Variants in DCP2 observed in about 807,000 individuals in gnomAD.
DCP2 encodes the protein decapping mRNA 2.
In DCP2, 30 loss-of-function variants were observed where a neutral mutation model predicts 56.1. The observed-to-expected ratio is 0.53, with a 90% CI of 0.40 to 0.73. DCP2 has a LOEUF of 0.73. Ranked by LOEUF, DCP2 falls within the 30% of genes least tolerant of loss-of-function variation. The pLI, the probability that DCP2 is intolerant of heterozygous loss-of-function variation, is 0.00. For missense variants in DCP2, 533 were observed against 502.7 expected (o/e 1.06, Z -0.58); for synonymous variants, 197 against 163.3 (o/e 1.21, Z -1.57).
chr5:112,980,694 T>A (rs913165302), intron 1 of DCP2, among the ~76,000 whole-genome samples: 1 of 152,214 alleles, frequency 6.6e-6, no homozygotes, highest in African/African-American at 2.4e-5. Flanking sequence ...AAATATGTAA[T>A]CATGTACATG....
At position 113,013,402 on chromosome 5, in the gene DCP2, A is replaced by C; in HGVS notation, c.1181A>C (p.His394Pro). Residue 394 changes from histidine (H) to proline (P), a missense_variant, in exon 11 of 11, where the codon CAT becomes CCT. His to Pro is a moderately conservative substitution (Grantham distance 77, BLOSUM62 -2). Around this residue, in one of 3 missense-constraint regions of DCP2, gnomAD observed 392 missense variants for 346.6 expected, o/e 1.13. Coordinates refer to ENST00000389063, the MANE Select transcript of DCP2 (RefSeq NM_152624.6). Reference protein sequence around the residue: ...AEGQPVACNGHCKFPFSSRAF... With the variant: ...AEGQPVACNGPCKFPFSSRAF... ...GGACAGCCCGTGGCATGTAATGGAC[A>C]TTGCAAGTTCCCCTTTTCATCCAGA... is the stretch of plus-strand genomic sequence containing the variant. 6.2e-7 allele frequency: 1 copy of C among 1,614,164 alleles called. No individual in the cohort carries two copies. The highest frequency in any genetic ancestry group is 8.5e-7 in the Non-Finnish European group (1 of 1,180,002).
intron 10 of DCP2, among the ~76,000 whole-genome samples, chr5:113,012,706 C>T (rs528173693): frequency 2.6e-5 from 4 of 152,194 alleles, no homozygotes; most frequent in South Asian, 2.1e-4. Flanking sequence ...TGCAACAGCA[C>T]GATCTCAGCT....
intron 1 of DCP2, among the ~76,000 whole-genome samples, chr5:112,979,724 G>C (rs1031409373): frequency 1.3e-5 from 2 of 152,134 alleles, no homozygotes; most frequent in Non-Finnish European, 2.9e-5. Flanking sequence ...TGATGCTTTA[G>C]TATGTAACAT....
rs112449298 is a variant in DCP2, at chr5:113,000,420, A to ACACACACCCACACC, written c.433-659_433-658insACCCACACCCACAC. On this transcript the variant is annotated intron_variant, in intron 4 of 10. Coordinates refer to ENST00000389063, the MANE Select transcript of DCP2 (RefSeq NM_152624.6). The stretch of plus-strand genomic sequence containing the variant: ...CTAATACACACACACACACACACAC[A>ACACACACCCACACC]CACACCCACACACCCTACCTGAGTT... 6.8e-3 allele frequency among the ~76,000 whole-genome samples: 1,000 copies of ACACACACCCACACC among 146,746 alleles called. 19 individuals carry two copies. Among genetic ancestry groups the ACACACACCCACACC allele is most frequent in the Non-Finnish European group, 0.012 (807 of 66,130 alleles).
In DCP2 at chr5:113,022,187, A is replaced by T. The variant is rs1750183492; in HGVS notation, c.*8703A>T. 2 of 152,542 alleles carry T rather than the reference A, an allele frequency of 1.3e-5. No individual in the cohort carries two copies. Among genetic ancestry groups the T allele is most frequent in the Non-Finnish European group, 2.9e-5 (2 of 68,048 alleles). 9.4% of individuals were successfully genotyped at this position (152,542 alleles called of 1,614,324 possible). A position where few individuals can be genotyped will look rare whatever the true frequency, so the allele number is the denominator to read the frequency against. ...CTCTGTATAAATAAATGGAGTTTTT[A>T]AAAAACAATTCTATATCAAATAACG... On this transcript the variant is annotated 3_prime_UTR_variant, in exon 11 of 11. Coordinates refer to ENST00000389063, the MANE Select transcript of DCP2 (RefSeq NM_152624.6).
At chr5:112,992,572 ATAACAGT>A in intron 3 of DCP2, 93 bp from the exon 4 acceptor site, 1 of 865,648 alleles carries the variant, frequency 1.2e-6, no homozygotes, top group Non-Finnish European at 1.8e-6. Flanking sequence ...ATTATTGGCG[ATAACAGT>A]TACCTCAAGT....
intron 1 of DCP2, among the ~76,000 whole-genome samples, chr5:112,981,277 T>G (rs1212058743): frequency 6.6e-6 from 1 of 152,110 alleles, no homozygotes; most frequent in Non-Finnish European, 1.5e-5. Flanking sequence ...CCCAAAGTGT[T>G]GAGATTACAG....
Position 112,981,113 on chromosome 5 carries a change from A to G in DCP2, c.53+4127A>G, listed in dbSNP as rs191975723. ...AACTTCCAACTCCTGGACTCAAGCT[A>G]TCCACTTGGCTCAGCCTCCTGAGTA... is the stretch of plus-strand genomic sequence containing the variant. On this transcript the variant is annotated intron_variant, in intron 1 of 10. Transcript: ENST00000389063. 2.0e-4 allele frequency among the ~76,000 whole-genome samples: 31 copies of G among 152,114 alleles called. No individual in the cohort carries two copies. The East Asian group carries it at 5.4e-3, about 27-fold the overall frequency.
intron 2 of DCP2, among the ~76,000 whole-genome samples, chr5:112,986,615 G>A (rs1748302585): frequency 6.6e-6 from 1 of 152,046 alleles, no homozygotes; most frequent in Admixed American, 6.5e-5. Flanking sequence ...TGGGATTAGA[G>A]GTGTGAGCCG....
intron 1 of DCP2, among the ~76,000 whole-genome samples, chr5:112,982,530 T>C (rs1305671083): frequency 6.6e-6 from 1 of 152,244 alleles, no homozygotes; most frequent in East Asian, 1.9e-4. Flanking sequence ...ATGTGTAAAA[T>C]ACCTGTTTCT....
intron 4 of DCP2, among the ~76,000 whole-genome samples, chr5:112,994,794 C>G (rs956080961): frequency 6.6e-6 from 1 of 152,126 alleles, no homozygotes; most frequent in Non-Finnish European, 1.5e-5. Flanking sequence ...AGTCACTTAA[C>G]CTCTGTAAGA....
chr5:113,021,870 TCTTCAATAGATAA>T lies in DCP2; in HGVS notation c.*8391_*8403del, dbSNP rs1561716402. On this transcript the variant is annotated 3_prime_UTR_variant, in exon 11 of 11. Transcript: ENST00000389063. ...CTTTCTTTAAGAGGGGAAAAGACTC[TCTTCAATAGATAA>T]CTTCCTATTTATGCCAAATTTTAAA... Among the ~76,000 whole-genome samples the T allele has an allele frequency of 1.3e-5, 2 of 152,228 alleles. No homozygotes were observed. Among genetic ancestry groups the T allele is most frequent in the African/African-American group, 4.8e-5 (2 of 41,460 alleles).
In DCP2 at chr5:113,007,978, A is replaced by T. The variant is rs908581578; in HGVS notation, c.983A>T (p.Asp328Val). The T allele has an allele frequency of 4.3e-5, 69 of 1,613,942 alleles. No homozygotes were observed. The highest frequency in any genetic ancestry group is 5.8e-5 in the Non-Finnish European group (69 of 1,179,958). ...MRGNGRKQYQ[D>V]SPNQKKRTNG... ...GGAAATGGCAGAAAACAGTATCAAG[A>T]TTCACCTAATCAAAAGAAAAGAACA... The change falls in exon 9 of 11, where the codon GAT becomes GTT. Residue 328 changes from aspartate (D) to valine (V), a missense_variant. By Grantham distance (152) the Asp-to-Val change is radical (BLOSUM62 -3). This residue lies in a region of DCP2 where 392 missense variants were observed against 346.6 expected (regional missense o/e 1.13). Transcript: ENST00000389063.
At chr5:112,986,161 CATA>C (rs575461186) in intron 2 of DCP2, among the ~76,000 whole-genome samples, 175 bp downstream of exon 2, 75 of 152,134 alleles carry the variant, frequency 4.9e-4, no homozygotes, top group African/African-American at 1.5e-3. Context: ...TATTAATAAT[CATA>C]ATCATTAATA....
At chr5:112,997,901 C>T (rs1215661716) in intron 4 of DCP2, among the ~76,000 whole-genome samples, 1 of 152,154 alleles carries the variant, frequency 6.6e-6, no homozygotes, top group Admixed American at 6.6e-5. Context: ...GTGTGAGCCA[C>T]CGAGCCTGGC....
At chr5:112,999,626 CT>C (rs760922948) in intron 4 of DCP2, among the ~76,000 whole-genome samples, 6,956 of 137,908 alleles carry the variant, frequency 0.05, 417 homozygotes, top group African/African-American at 0.15. Flanking sequence ...CGCACCCAGC[CT>C]TTTTTTTTTT....
At chr5:113,009,037 G>T (rs1385531309) in intron 9 of DCP2, among the ~76,000 whole-genome samples, 1 of 152,052 alleles carries the variant, frequency 6.6e-6, no homozygotes, top group African/African-American at 2.4e-5. Context: ...AGTACAGACA[G>T]GGTTTCACCA....
At chr5:112,986,959 C>T (rs1748317790) in intron 2 of DCP2, among the ~76,000 whole-genome samples, 1 of 152,170 alleles carries the variant, frequency 6.6e-6, no homozygotes, top group Non-Finnish European at 1.5e-5. Flanking sequence ...GCTGAGATGG[C>T]ACCACTGCAC....
intron 1 of DCP2, among the ~76,000 whole-genome samples, chr5:112,980,488 G>A (rs2150166162): frequency 1.3e-5 from 2 of 152,308 alleles, no homozygotes; most frequent in South Asian, 4.1e-4. Context: ...AACATTTCGT[G>A]TGATGCAGTT....
Sources: allele counts gnomAD v4.1 joint callset (sites outside exome capture counted in the v4.1 genomes callset), GRCh38; gene constraint gnomAD v4.1.1; regional missense constraint gnomAD v4.1.1; transcripts MANE v1.5; gene names NCBI Gene and HGNC (gene_info 2026-07-23, HGNC 2026-07-21).